The following PDE1C variants were observed in gnomAD, a reference collection of about 807,000 sequenced individuals.
PDE1C encodes phosphodiesterase 1C.
PDE1C carries 62 observed loss-of-function variants against 93.1 expected under a neutral mutation model. The observed-to-expected ratio is 0.67, with a 90% CI of 0.54 to 0.82. PDE1C has a LOEUF of 0.82. Ranked by LOEUF, PDE1C falls within the 40% of genes least tolerant of loss-of-function variation. The pLI, the probability that PDE1C is intolerant of heterozygous loss-of-function variation, is 0.00. For synonymous variants in PDE1C, 325 were observed against 310.1 expected (o/e 1.05, Z -0.50); for missense variants, 742 against 884.6 (o/e 0.84, Z 2.04).
At chr7:32,099,086 T>C (rs1006660722) in intron 3 of PDE1C, among the ~76,000 whole-genome samples, 2 of 152,184 alleles carry the variant, frequency 1.3e-5, no homozygotes, top group African/African-American at 4.8e-5. Flanking sequence ...AATTAATTAT[T>C]CTGAAAATTT....
intron 15 of PDE1C, among the ~76,000 whole-genome samples, chr7:31,814,651 G>A (rs1787999956): frequency 6.7e-6 from 1 of 150,074 alleles, no homozygotes; most frequent in Non-Finnish European, 1.5e-5. Flanking sequence ...TTACCTGGTC[G>A]CACCAGGCAG....
At chr7:31,762,996 C>T in intron 17 of PDE1C, among the ~76,000 whole-genome samples, 1 of 152,100 alleles carries the variant, frequency 6.6e-6, no homozygotes, top group East Asian at 1.9e-4. Context: ...GCTTGGGGAG[C>T]TTTGAAAAGT....
At chr7:32,388,536 C>G (rs921090853) in intron 1 of PDE1C, among the ~76,000 whole-genome samples, 1 of 151,756 alleles carries the variant, frequency 6.6e-6, no homozygotes, top group African/African-American at 2.4e-5. Context: ...AAAAATTAGC[C>G]GAGCATGGGG....
At chr7:32,147,284 G>GAAAC (rs1229839232) in intron 3 of PDE1C, among the ~76,000 whole-genome samples, 20 of 117,608 alleles carry the variant, frequency 1.7e-4, no homozygotes, top group Admixed American at 4.4e-4. Flanking sequence ...AAGAAAGAAA[G>GAAAC]AAAGAAAGAA....
chr7:32,177,202 G>A (rs779283256), intron 2 of PDE1C, among the ~76,000 whole-genome samples: 52 of 152,300 alleles, frequency 3.4e-4, no homozygotes, highest in Non-Finnish European at 6.5e-4. Flanking sequence ...GTTTCTTTCT[G>A]GAAAGTAGAT....
At chr7:32,071,672 C>T (rs1796070941), upstream of PDE1C, among the ~76,000 whole-genome samples, 1 of 152,206 alleles carries the variant, frequency 6.6e-6, no homozygotes, top group Admixed American at 6.5e-5. Context: ...CTGCAACTCA[C>T]TGTCAGGGTT....
chr7:32,334,906 C>T (rs1476863105), intron 1 of PDE1C, among the ~76,000 whole-genome samples: 1 of 152,022 alleles, frequency 6.6e-6, no homozygotes, highest in African/African-American at 2.4e-5. Flanking sequence ...AAATTTTACA[C>T]CATAAATATA....
the PDE1C span, among the ~76,000 whole-genome samples, chr7:31,635,754 A>G: frequency 2.0e-5 from 3 of 151,894 alleles, no homozygotes; most frequent in Non-Finnish European, 2.9e-5. Flanking sequence ...GGAGGGGAAC[A>G]CCACACATTG....
At chr7:31,666,211 T>A in the PDE1C span, among the ~76,000 whole-genome samples, 40 of 152,304 alleles carry the variant, frequency 2.6e-4, no homozygotes, top group African/African-American at 9.6e-4. Context: ...TTTTATCTAA[T>A]CACAAATGCA....
In PDE1C at chr7:32,413,715, G is replaced by A. The variant is rs73309829; in HGVS notation, c.310+14107C>T. On this transcript the variant is annotated intron_variant, in intron 1 of 1. Coordinates refer to the PDE1C transcript ENST00000672256. ...GCCACTGAACTGTACACTTAAAAATGATTAAAATAGTAAAGATTGTTACTT... is the reference window on the plus strand; with the variant it reads ...GCCACTGAACTGTACACTTAAAAATAATTAAAATAGTAAAGATTGTTACTT... 3.1e-3 allele frequency among the ~76,000 whole-genome samples: 473 copies of A among 152,216 alleles called. 2 individuals are homozygous for A. Among genetic ancestry groups the A allele is most frequent in the African/African-American group, 0.011 (448 of 41,532 alleles).
intron 2 of PDE1C, among the ~76,000 whole-genome samples, chr7:31,958,447 C>T (rs940813425): frequency 2.0e-5 from 3 of 152,238 alleles, no homozygotes; most frequent in Non-Finnish European, 2.9e-5. Context: ...ACTCTATTTA[C>T]AGACACTCTA....
intron 1 of PDE1C, among the ~76,000 whole-genome samples, chr7:32,337,592 A>G (rs1375327268): frequency 6.6e-6 from 1 of 152,204 alleles, no homozygotes; most frequent in East Asian, 1.9e-4. Flanking sequence ...ATCTGACTAC[A>G]AATATCAAGA....
At chr7:32,082,079 G>T (rs1315713172) in intron 3 of PDE1C, among the ~76,000 whole-genome samples, 3 of 152,248 alleles carry the variant, frequency 2.0e-5, no homozygotes, top group African/African-American at 4.8e-5. Context: ...CTCCAGAAGT[G>T]CAAGGGGTCA....
intron 1 of PDE1C, among the ~76,000 whole-genome samples, chr7:32,312,230 A>C (rs1345338849): frequency 1.3e-5 from 2 of 152,240 alleles, no homozygotes; most frequent in Non-Finnish European, 2.9e-5. Context: ...CAAGAACTAC[A>C]AACCACTGCT....
chr7:32,360,835 G>T (rs539455082), intron 1 of PDE1C, among the ~76,000 whole-genome samples: 1 of 152,112 alleles, frequency 6.6e-6, no homozygotes, highest in Non-Finnish European at 1.5e-5. Context: ...ACTTGGGATC[G>T]GAAAATATGA....
At chr7:32,394,583 G>T (rs181057410) in intron 1 of PDE1C, among the ~76,000 whole-genome samples, 1 of 152,218 alleles carries the variant, frequency 6.6e-6, no homozygotes, top group African/African-American at 2.4e-5. Flanking sequence ...TGATGCAGGA[G>T]GCTCACTTGA....
chr7:32,138,340 T>C (rs1800322708), intron 3 of PDE1C, among the ~76,000 whole-genome samples: 1 of 152,058 alleles, frequency 6.6e-6, no homozygotes, highest in Non-Finnish European at 1.5e-5. Context: ...ATAAATGAAA[T>C]AAATGTGAAA....
intron 2 of PDE1C, among the ~76,000 whole-genome samples, chr7:31,984,512 T>C (rs1395187242): frequency 6.6e-6 from 1 of 152,162 alleles, no homozygotes; most frequent in Non-Finnish European, 1.5e-5. Flanking sequence ...CCTGGGATCC[T>C]CTCACCACAC....
At chr7:31,979,378 A>C (rs1812092568) in intron 2 of PDE1C, among the ~76,000 whole-genome samples, 1 of 152,234 alleles carries the variant, frequency 6.6e-6, no homozygotes, top group African/African-American at 2.4e-5. Flanking sequence ...GGAGGTTATA[A>C]GAATTAAATA....
Sources: allele counts gnomAD v4.1 joint callset (sites outside exome capture counted in the v4.1 genomes callset), GRCh38; gene constraint gnomAD v4.1.1; transcripts MANE v1.5; gene names NCBI Gene and HGNC (gene_info 2026-07-23, HGNC 2026-07-21).